HEATR1: variants seen among roughly 807,000 people sequenced by gnomAD.
The protein encoded by HEATR1 is HEAT repeat containing 1, also known as HEAT repeat-containing protein 1.
HEATR1 carries 77 observed loss-of-function variants against 248.2 expected under a neutral mutation model. The ratio of observed to expected loss-of-function variants is 0.31; its 90% CI spans 0.26 to 0.37. The LOEUF (loss-of-function observed/expected upper bound fraction) is 0.37, where lower values mean the gene tolerates loss of function less well. Among genes scored for constraint, HEATR1 ranks in the 10% least tolerant of loss-of-function variants. The pLI, the probability that HEATR1 is intolerant of heterozygous loss-of-function variation, is 1.00. For synonymous variants in HEATR1, 897 were observed against 923.1 expected, an observed-to-expected ratio of 0.97 and a Z score of 0.51; for missense variants, 2,420 against 2,504.9, an observed-to-expected ratio of 0.97 and a Z score of 0.72.
At chr1:236,569,921 T>C (rs1225087475) in intron 28 of HEATR1, among the ~76,000 whole-genome samples, 1 of 152,172 alleles carries the variant, frequency 6.6e-6, no homozygotes, top group Admixed American at 6.5e-5. Flanking sequence ...AAATGTGGCA[T>C]ACACATACAA....
At chr1:236,575,590 C>T (rs1330482686) in intron 22 of HEATR1, among the ~76,000 whole-genome samples, 2 of 152,144 alleles carry the variant, frequency 1.3e-5, no homozygotes, top group African/African-American at 4.8e-5. Flanking sequence ...TTTGTTCCTA[C>T]CAAGAAAGTG....
intron 26 of HEATR1, 79 bp downstream of exon 26, chr1:236,572,332 T>A (rs1663451001): frequency 3.2e-5 from 45 of 1,391,082 alleles, no homozygotes; most frequent in Non-Finnish European, 4.4e-5. Flanking sequence ...GAGAAGAGTA[T>A]GTTGAAAAGA....
At position 236,587,387 on chromosome 1, in the gene HEATR1, G is replaced by C; in HGVS notation, c.1715+15C>G. 7.8e-7 allele frequency: 1 copy of C among 1,282,294 alleles called. No homozygotes were observed. The allele number at this position is 1,282,294 out of a possible 1,614,324, so 79.4% of individuals were successfully genotyped here. On this transcript the variant is annotated intron_variant, in intron 14 of 44. Transcript: ENST00000366582. ...TCATCAATTCAAAATAGTATGAGGA[G>C]AAATGAATACATACCATTCTCCATT...
At chr1:236,555,747 G>C (rs557720706) in intron 39 of HEATR1, 58 bp downstream of exon 39, 1 of 1,609,358 alleles carries the variant, frequency 6.2e-7, no homozygotes. Context: ...GATTGTTCTC[G>C]GACTCTTCAA....
chr1:236,598,445 T>A (rs1276472957), intron 4 of HEATR1, among the ~76,000 whole-genome samples: 1 of 152,114 alleles, frequency 6.6e-6, no homozygotes, highest in East Asian at 1.9e-4. Flanking sequence ...ATTAAATAAA[T>A]GAAAGGAGAA....
chr1:236,574,157 AC>A, intron 24 of HEATR1, 44 bp downstream of exon 24: 1 of 1,544,016 alleles, frequency 6.5e-7, no homozygotes, highest in Non-Finnish European at 8.7e-7. Flanking sequence ...CTTGGAAGAG[AC>A]TATAAACATT....
rs201586092 is a variant in HEATR1 at position 236,572,708 on chromosome 1, G to A, written c.3563+17C>T. 1 of 1,609,348 alleles carries A rather than the reference G, an allele frequency of 6.2e-7. No homozygotes were observed. On this transcript the variant is annotated intron_variant, in intron 25 of 44. Transcript: ENST00000366582. The stretch of plus-strand genomic sequence containing the variant: ...CAGGGAACAACAGCATGTGCTCAAT[G>A]CATTTGTAGCTCTTACTTCTGCTGC...
At chr1:236,587,134 TCCCAGA>T (rs1316185365) in intron 14 of HEATR1, among the ~76,000 whole-genome samples, 1 of 152,084 alleles carries the variant, frequency 6.6e-6, no homozygotes, top group East Asian at 1.9e-4. Context: ...CCATCTTACT[TCCCAGA>T]ATGCAATATC....
At chr1:236,568,804 T>G (rs999388497) in intron 29 of HEATR1, among the ~76,000 whole-genome samples, 192 bp downstream of exon 29, 3 of 151,646 alleles carry the variant, frequency 2.0e-5, no homozygotes, top group African/African-American at 7.3e-5. Context: ...CCAAGACTGC[T>G]TCTTAGCTTC....
At chr1:236,576,078 C>A (rs1285910036) in intron 22 of HEATR1, 141 bp downstream of exon 22, 7 of 542,754 alleles carry the variant, frequency 1.3e-5, no homozygotes, top group Non-Finnish European at 1.8e-5. Context: ...CTCAACTCAT[C>A]CCCCTCTCAA....
rs1157917342 is a variant in HEATR1 at position 236,550,679 on chromosome 1, C to T, written c.*223G>A. The T allele has an allele frequency of 2.4e-5, 11 of 451,682 alleles. No individual in the cohort carries two copies. The highest frequency in any genetic ancestry group is 6.9e-5 in the East Asian group (2 of 29,034). The allele number at this position is 451,682 out of a possible 1,614,324, so 28.0% of individuals were successfully genotyped here. A position where few individuals can be genotyped will look rare whatever the true frequency, so the allele number is the denominator to read the frequency against. On this transcript the variant is annotated 3_prime_UTR_variant, in exon 45 of 45. Transcript: ENST00000366582. ...AACACAGCAGTCTGTATAAAAATAC[C>T]GTGTATCATTTACTCTTTCTGCAGC...
intron 17 of HEATR1, among the ~76,000 whole-genome samples, chr1:236,584,614 C>G (rs1233246263): frequency 6.6e-6 from 1 of 152,184 alleles, no homozygotes; most frequent in Non-Finnish European, 1.5e-5. Context: ...GAGGGATACA[C>G]ATCTATGTAA....
At chr1:236,576,710 G>A (rs1167366129) in intron 21 of HEATR1, 70 bp downstream of exon 21, 8 of 1,402,356 alleles carry the variant, frequency 5.7e-6, no homozygotes, top group African/African-American at 2.9e-5. Context: ...GTGAAATGTC[G>A]AGAATGGAGA....
Position 236,558,206 on chromosome 1 carries a change from C to T in HEATR1, c.5204+31G>A, listed in dbSNP as rs746655180. 2.5e-6 allele frequency: 4 copies of T among 1,582,910 alleles called. No individual in the cohort carries two copies. In the East Asian group the frequency reaches 6.7e-5, roughly 27 times the overall value. On this transcript the variant is annotated intron_variant, in intron 36 of 44. Coordinates refer to ENST00000366582, the MANE Select transcript of HEATR1 (RefSeq NM_018072.6). ...TTTTTCAATGTGTGCCAGGCGGTAACAGCTCCTGTTCCAAGTCTCCGGCCG... is the reference window on the plus strand; with the variant it reads ...TTTTTCAATGTGTGCCAGGCGGTAATAGCTCCTGTTCCAAGTCTCCGGCCG...
chr1:236,574,665 T>G lies in HEATR1; in HGVS notation c.3323A>C (p.Glu1108Ala), dbSNP rs377405226. The stretch of plus-strand genomic sequence containing the variant: ...TTTCTGAAAGAAATCACTGACCTTT[T>G]CAAGGGCTGTGATCTGAATGGTTGG... The part of the protein sequence containing the change: ...GMPTIQITAL[E>A]KITKPFFAAI... The change falls in exon 23 of 45, where the codon GAA (glutamate) becomes GCA (alanine). Residue 1108 changes from glutamate to alanine, a missense_variant. By Grantham distance (107) the Glu-to-Ala change is moderately radical. Coordinates refer to ENST00000366582, the MANE Select transcript of HEATR1 (RefSeq NM_018072.6). 5.6e-6 allele frequency: 9 copies of G among 1,611,786 alleles called. No homozygotes were observed. Among genetic ancestry groups the G allele is most frequent in the Non-Finnish European group, 7.6e-6 (9 of 1,179,128 alleles).
At chr1:236,565,429 C>T (rs1663244609) in intron 31 of HEATR1, among the ~76,000 whole-genome samples, 1 of 152,186 alleles carries the variant, frequency 6.6e-6, no homozygotes, top group Non-Finnish European at 1.5e-5. Flanking sequence ...GCTGGGACCA[C>T]AGGCTAACAC....
chr1:236,594,688 T>G (rs374443704), intron 8 of HEATR1, among the ~76,000 whole-genome samples: 3 of 152,220 alleles, frequency 2.0e-5, no homozygotes, highest in African/African-American at 7.2e-5. Context: ...TAGACTGACA[T>G]AAGTTTAGAG....
At chr1:236,585,693 A>T in intron 16 of HEATR1, 127 bp downstream of exon 16, 1 of 753,482 alleles carries the variant, frequency 1.3e-6, no homozygotes, top group Non-Finnish European at 2.1e-6. Context: ...TGCAACGTTT[A>T]AAGTAAAACC....
At chr1:236,568,717 G>C (rs1663337803) in intron 29 of HEATR1, among the ~76,000 whole-genome samples, 1 of 152,004 alleles carries the variant, frequency 6.6e-6, no homozygotes, top group Non-Finnish European at 1.5e-5. Context: ...ATGATGTTAA[G>C]ACACTTACAG....
Sources: gnomAD v4.1 joint callset for allele counts (sites outside exome capture counted in the v4.1 genomes callset) on GRCh38, gnomAD v4.1.1 for gene constraint, MANE v1.5 for transcripts, NCBI Gene and HGNC (gene_info 2026-07-23, HGNC 2026-07-21) for gene names.